KPNA6: variants seen among roughly 807,000 people sequenced by gnomAD.
KPNA6 encodes importin subunit alpha-7.
KPNA6 carries 9 observed loss-of-function variants against 72.0 expected under a neutral mutation model. The ratio of observed to expected loss-of-function variants is 0.13; its 90% CI spans 0.08 to 0.22. The LOEUF is 0.22. KPNA6 is among the 10% of genes least tolerant of loss of function. The pLI, the probability that KPNA6 is intolerant of heterozygous loss-of-function variation, is 1.00. For missense variants in KPNA6, 374 were observed against 655.7 expected (o/e 0.57, Z 4.69); for synonymous variants, 219 against 242.1 (o/e 0.90, Z 0.89).
At chr1:32,139,374 G>A (rs1641799168) in intron 1 of KPNA6, among the ~76,000 whole-genome samples, 2 of 152,136 alleles carry the variant, frequency 1.3e-5, no homozygotes, top group Admixed American at 6.6e-5. Flanking sequence ...AAAAGAACAG[G>A]AAGTGCAAAG....
At chr1:32,144,975 T>C (rs1412021664) in intron 1 of KPNA6, among the ~76,000 whole-genome samples, 5 of 140,392 alleles carry the variant, frequency 3.6e-5, no homozygotes, top group African/African-American at 1.4e-4. Context: ...TTTCTTGAGA[T>C]GGAATCTCAC....
intron 1 of KPNA6, among the ~76,000 whole-genome samples, chr1:32,111,451 C>T (rs1012204682): frequency 1.3e-5 from 2 of 152,164 alleles, no homozygotes; most frequent in Non-Finnish European, 2.9e-5. Flanking sequence ...TTCCTCTTTC[C>T]AGCTCCATCT....
Position 32,166,085 on chromosome 1 carries a change from C to T in KPNA6, c.991-20C>T, listed in dbSNP as rs186992544. 5.7e-6 allele frequency: 9 copies of T among 1,574,660 alleles called. No individual in the cohort carries two copies. The East Asian group carries it at 1.6e-4, about 28-fold the overall frequency. ...AACAGTTTAATTTTTCTTTTGTTTC[C>T]TGTGCTTTTGGTGTTCTAGGTCATT... On this transcript the variant is annotated intron_variant, in intron 10 of 13. Coordinates refer to ENST00000373625, the MANE Select transcript of KPNA6 (RefSeq NM_012316.5).
At chr1:32,148,771 C>T (rs190176402) in intron 1 of KPNA6, among the ~76,000 whole-genome samples, 3 of 152,048 alleles carry the variant, frequency 2.0e-5, no homozygotes, top group Non-Finnish European at 2.9e-5. Context: ...ATTGGCCAGG[C>T]TGGTCTCAAA....
At chr1:32,118,276 T>TTCTGAAGTA (rs1404782995) in intron 1 of KPNA6, among the ~76,000 whole-genome samples, 1 of 152,094 alleles carries the variant, frequency 6.6e-6, no homozygotes, top group African/African-American at 2.4e-5. Context: ...TCATGAACCT[T>TTCTGAAGTA]TCTGAAGTAC....
intron 1 of KPNA6, among the ~76,000 whole-genome samples, chr1:32,131,514 A>T (rs1641635162): frequency 6.6e-6 from 1 of 151,784 alleles, no homozygotes; most frequent in Non-Finnish European, 1.5e-5. Flanking sequence ...AAAAAGATTT[A>T]AAAATTTAAA....
rs560028068 is a variant in KPNA6 at position 32,138,571 on chromosome 1, G to T, written c.5-16017G>T. Among the ~76,000 whole-genome samples, 462 of 151,408 alleles carry T rather than the reference G, an allele frequency of 3.1e-3. 1 individual carries two copies. The highest frequency in any genetic ancestry group is 5.0e-3 in the Admixed American group (76 of 15,162). ...AAAAAAAAAAAAAAAAAAAAATGGA[G>T]GTGGAAGCTAAGGGAGATCGTGAGC... On this transcript the variant is annotated intron_variant, in intron 1 of 13. Coordinates refer to ENST00000373625, the MANE Select transcript of KPNA6 (RefSeq NM_012316.5).
Position 32,176,026 on chromosome 1 carries a change from A to G in KPNA6, c.*5132A>G, listed in dbSNP as rs978037269. The G allele has an allele frequency of 1.3e-5, 2 of 152,032 alleles. No homozygotes were observed. Among genetic ancestry groups the G allele is most frequent in the African/African-American group, 4.8e-5 (2 of 41,368 alleles). The allele number at this position is 152,032 out of a possible 1,614,324, so 9.4% of individuals were successfully genotyped here. A position where few individuals can be genotyped will look rare whatever the true frequency, so the allele number is the denominator to read the frequency against. On this transcript the variant is annotated 3_prime_UTR_variant, in exon 14 of 14. Coordinates refer to ENST00000373625, the MANE Select transcript of KPNA6 (RefSeq NM_012316.5). ...GAGGCTGAGGCAGGAGAATCTCTTGAACCTAGGAGGCAGAGGTTGCAGTGA... is the reference window on the plus strand; with the variant it reads ...GAGGCTGAGGCAGGAGAATCTCTTGGACCTAGGAGGCAGAGGTTGCAGTGA...
intron 1 of KPNA6, among the ~76,000 whole-genome samples, chr1:32,153,382 A>G (rs1642072426): frequency 6.6e-6 from 1 of 152,018 alleles, no homozygotes; most frequent in East Asian, 1.9e-4. Context: ...CCTGGCCAAC[A>G]TGGTGAAACC....
chr1:32,113,614 G>A lies in KPNA6; in HGVS notation c.4+5480G>A, dbSNP rs548418355. On this transcript the variant is annotated intron_variant, in intron 1 of 13. Coordinates refer to ENST00000373625, the MANE Select transcript of KPNA6 (RefSeq NM_012316.5). ...ACTACAGGCATGCACCACCATGCCC[G>A]GCTAATTTTTTAAATTGTTTTTAAA... Among the ~76,000 whole-genome samples the A allele has an allele frequency of 9.2e-5, 14 of 152,096 alleles. No homozygotes were observed. The South Asian group carries it at 2.3e-3, about 25-fold the overall frequency.
chr1:32,132,050 A>C (rs2124536021), intron 1 of KPNA6, among the ~76,000 whole-genome samples: 1 of 151,624 alleles, frequency 6.6e-6, no homozygotes, highest in East Asian at 1.9e-4. Flanking sequence ...GGCTCACTGC[A>C]ACCTCCGCTT....
intron 5 of KPNA6, 130 bp downstream of exon 5, chr1:32,158,491 G>A (rs1375373820): frequency 1.7e-6 from 1 of 579,118 alleles, no homozygotes; most frequent in Non-Finnish European, 3.1e-6. Context: ...AAATCATGGA[G>A]AATGGGGTAT....
chr1:32,121,200 T>C (rs1391264771), intron 1 of KPNA6, among the ~76,000 whole-genome samples: 1 of 152,138 alleles, frequency 6.6e-6, no homozygotes, highest in Non-Finnish European at 1.5e-5. Flanking sequence ...AGTAATGTGG[T>C]AGTCCTGGCA....
rs991420275 is a variant in KPNA6 at position 32,173,059 on chromosome 1, C to G, written c.*2165C>G. 1 of 397,442 alleles carries G rather than the reference C, an allele frequency of 2.5e-6. No homozygotes were observed. Among genetic ancestry groups the G allele is most frequent in the Non-Finnish European group, 4.4e-6 (1 of 225,912 alleles). 24.6% of individuals were successfully genotyped at this position (397,442 alleles called of 1,614,324 possible). ...TACCACCTTGGTGAGTCATATGCCACTCATCAGCTTGGGAATGATGGCTGC... is the reference window on the plus strand; with the variant it reads ...TACCACCTTGGTGAGTCATATGCCAGTCATCAGCTTGGGAATGATGGCTGC... On this transcript the variant is annotated 3_prime_UTR_variant, in exon 14 of 14. Coordinates refer to ENST00000373625, the MANE Select transcript of KPNA6 (RefSeq NM_012316.5).
intron 11 of KPNA6, 107 bp downstream of exon 11, chr1:32,166,337 A>G (rs1642337119): frequency 7.3e-7 from 1 of 1,373,650 alleles, no homozygotes; most frequent in Non-Finnish European, 9.8e-7. Context: ...TAAAAATAGG[A>G]GTCAATTGGC....
intron 7 of KPNA6, 73 bp downstream of exon 7, chr1:32,160,776 A>G (rs993235205): frequency 2.9e-6 from 3 of 1,022,400 alleles, no homozygotes; most frequent in Non-Finnish European, 4.7e-6. Flanking sequence ...GGGGCAGCAT[A>G]CTTGATTCCT....
intron 1 of KPNA6, among the ~76,000 whole-genome samples, chr1:32,129,486 C>T (rs777861689): frequency 2.9e-4 from 44 of 152,052 alleles, no homozygotes; most frequent in Non-Finnish European, 5.3e-4. Flanking sequence ...ACTTGCCAGT[C>T]CCTATAATTT....
intron 11 of KPNA6, among the ~76,000 whole-genome samples, chr1:32,166,676 TC>T (rs1642345646): frequency 1.4e-5 from 2 of 139,534 alleles, no homozygotes; most frequent in African/African-American, 2.7e-5. Flanking sequence ...ATGCTTGTAA[TC>T]CCAGCACTTT....
chr1:32,143,182 G>A (rs1191799940), intron 1 of KPNA6, among the ~76,000 whole-genome samples: 1 of 152,138 alleles, frequency 6.6e-6, no homozygotes, highest in African/African-American at 2.4e-5. Context: ...TCCTGCCTCA[G>A]CCTCCCAAGT....
Sources: gnomAD v4.1 joint callset for allele counts (sites outside exome capture counted in the v4.1 genomes callset) on GRCh38, gnomAD v4.1.1 for gene constraint, MANE v1.5 for transcripts, NCBI Gene and HGNC (gene_info 2026-07-23, HGNC 2026-07-21) for gene names.